Variants in CD6 observed in about 807,000 individuals in gnomAD.
The protein encoded by CD6 is CD6 molecule.
A neutral mutation model predicts 75.3 loss-of-function variants in CD6; 53 were observed. That is an observed-to-expected ratio of 0.70 (90% CI 0.56 to 0.88). The LOEUF (loss-of-function observed/expected upper bound fraction) is 0.88, where lower values mean the gene tolerates loss of function less well. Ranked by LOEUF, CD6 falls within the 40% of genes least tolerant of loss-of-function variation. CD6 has a pLI of 0.00. For missense variants in CD6, 770 were observed against 897.1 expected (o/e 0.86, Z 1.81); for synonymous variants, 359 against 381.5 (o/e 0.94, Z 0.69).
intron 1 of CD6, among the ~76,000 whole-genome samples, chr11:60,988,703 G>A (rs3019538): frequency 0.46 from 69,936 of 152,026 alleles, 18,602 homozygotes; most frequent in East Asian, 0.87. Context: ...TCTCAAGGGG[G>A]CCTTCTCTTA....
At position 61,019,457 on chromosome 11, in the gene CD6, G is replaced by A. The variant is rs1859575373; in HGVS notation, c.*139G>A. Reference sequence around the variant, plus strand: ...CTCCCTTGGAGAGATGGAAGGAAACGTTATACCTTGTACCCCTCGGTCTCC... The same window carrying A: ...CTCCCTTGGAGAGATGGAAGGAAACATTATACCTTGTACCCCTCGGTCTCC... On this transcript the variant is annotated 3_prime_UTR_variant, in exon 13 of 13. Coordinates refer to ENST00000313421, the MANE Select transcript of CD6 (RefSeq NM_006725.5). 1.3e-5 allele frequency: 8 copies of A among 620,638 alleles called. No homozygotes were observed. The highest frequency in any genetic ancestry group is 3.7e-5 in the African/African-American group (2 of 54,306). The allele number at this position is 620,638 out of a possible 1,614,324, so 38.4% of individuals were successfully genotyped here. A position where few individuals can be genotyped will look rare whatever the true frequency, so the allele number is the denominator to read the frequency against.
chr11:61,011,259 C>T (rs937650810), intron 6 of CD6, 124 bp downstream of exon 6: 4 of 773,324 alleles, frequency 5.2e-6, no homozygotes, highest in African/African-American at 1.7e-5. Flanking sequence ...TCCTCCACCT[C>T]CAGCCAATGG....
At chr11:61,016,435 C>T (rs1859409454) in intron 9 of CD6, among the ~76,000 whole-genome samples, 2 of 152,320 alleles carry the variant, frequency 1.3e-5, no homozygotes, top group South Asian at 4.1e-4. Context: ...TTCCTGAGCC[C>T]CTCCCCACAC....
chr11:60,989,036 T>A (rs1476876130), intron 1 of CD6, among the ~76,000 whole-genome samples: 2 of 152,222 alleles, frequency 1.3e-5, no homozygotes, highest in Non-Finnish European at 2.9e-5. Flanking sequence ...GCCCACCAGC[T>A]TCTGTCCCAC....
chr11:60,998,122 G>A (rs1317358610), intron 1 of CD6, among the ~76,000 whole-genome samples: 1 of 152,190 alleles, frequency 6.6e-6, no homozygotes, highest in African/African-American at 2.4e-5. Flanking sequence ...GTGATTTCTA[G>A]AGCCAGACTG....
Position 61,017,882 on chromosome 11 carries a change from G to A in CD6, c.1706G>A (p.Gly569Glu), listed in dbSNP as rs767057305. The change falls in exon 11 of 13, where the codon GGG becomes GAG. Residue 569 changes from glycine to glutamate, a missense_variant. Physicochemically the swap from Gly to Glu is moderately conservative, Grantham distance 98. Transcript: ENST00000313421. ...AACAGTGAGTCGAGCACCTCTTCAGGGGAGGATTACTGCAATAGTCCCAAA... is the reference window on the plus strand; with the variant it reads ...AACAGTGAGTCGAGCACCTCTTCAGAGGAGGATTACTGCAATAGTCCCAAA... Reference protein sequence around the residue: ...RSNSESSTSSGEDYCNSPKSK... With the variant: ...RSNSESSTSSEEDYCNSPKSK... 8 of 1,614,092 alleles carry A rather than the reference G, an allele frequency of 5.0e-6. No individual in the cohort carries two copies. In the South Asian group the frequency reaches 6.6e-5, roughly 13 times the overall value.
intron 1 of CD6, among the ~76,000 whole-genome samples, chr11:60,990,253 C>T (rs929027146): frequency 1.3e-5 from 2 of 152,166 alleles, no homozygotes; most frequent in Admixed American, 1.3e-4. Flanking sequence ...GAGATGGTGT[C>T]TCGCACTGTC....
intron 1 of CD6, among the ~76,000 whole-genome samples, chr11:60,974,020 A>G (rs1857281031): frequency 6.6e-6 from 1 of 152,246 alleles, no homozygotes; most frequent in African/African-American, 2.4e-5. Flanking sequence ...CTGACCTCAG[A>G]GGGCAAGGTT....
intron 5 of CD6, 23 bp downstream of exon 5, chr11:61,009,897 C>T (rs759024217): frequency 1.6e-5 from 24 of 1,521,126 alleles, no homozygotes; most frequent in Non-Finnish European, 2.0e-5. Flanking sequence ...ACTCCACCCC[C>T]CCAGATTTGA....
At chr11:61,017,136 G>T in intron 9 of CD6, 1 of 276,878 alleles carries the variant, frequency 3.6e-6, no homozygotes, top group Non-Finnish European at 7.0e-6. Flanking sequence ...GCTTCTTGAA[G>T]GAGCAAACAT....
chr11:60,987,200 G>T (rs1265326073), intron 1 of CD6, among the ~76,000 whole-genome samples: 3 of 152,242 alleles, frequency 2.0e-5, no homozygotes, highest in Admixed American at 6.5e-5. Flanking sequence ...AGTGGGACTG[G>T]TTCCTTCTGA....
Position 60,972,554 on chromosome 11 carries a change from A to C in CD6, c.49+640A>C, listed in dbSNP as rs746508783. Among the ~76,000 whole-genome samples, 3 of 152,196 alleles carry C rather than the reference A, an allele frequency of 2.0e-5. No individual in the cohort carries two copies. In the East Asian group the frequency reaches 5.8e-4, roughly 29 times the overall value. ...AGATGGCCAGAAGGTTTGGGGCACT[A>C]GACTGTGCTCCCCAGATACTTGCTG... On this transcript the variant is annotated intron_variant, in intron 1 of 12. Coordinates refer to ENST00000313421, the MANE Select transcript of CD6 (RefSeq NM_006725.5).
In CD6 at chr11:60,983,616, C is replaced by T. The variant is rs542804338; in HGVS notation, c.49+11702C>T. 8.1e-4 allele frequency among the ~76,000 whole-genome samples: 123 copies of T among 151,810 alleles called. 1 individual carries two copies. In the South Asian group the frequency reaches 0.024, roughly 29 times the overall value. On this transcript the variant is annotated intron_variant, in intron 1 of 12. Transcript: ENST00000313421. ...TGTCCCTTTCTCCTAAATACCCCAA[C>T]GTGTGTTTTTGTTGTTGTTTTTTTT...
intron 1 of CD6, among the ~76,000 whole-genome samples, chr11:60,988,963 G>T (rs999540516): frequency 6.6e-6 from 1 of 152,194 alleles, no homozygotes; most frequent in Non-Finnish European, 1.5e-5. Flanking sequence ...CCCAGCCTTT[G>T]CACAGAGGGT....
chr11:61,004,950 G>C (rs1858779427), intron 1 of CD6, among the ~76,000 whole-genome samples: 2 of 152,188 alleles, frequency 1.3e-5, no homozygotes, highest in South Asian at 4.1e-4. Context: ...CCCAACCTAA[G>C]TGCAAGAGAA....
intron 6 of CD6, among the ~76,000 whole-genome samples, 160 bp downstream of exon 6, chr11:61,011,295 T>C (rs552754660): frequency 4.1e-4 from 62 of 152,006 alleles, no homozygotes; most frequent in African/African-American, 1.3e-3. Context: ...GCTCTCTGGG[T>C]GGCATTTCTG....
chr11:60,984,037 T>C (rs780115892), intron 1 of CD6, among the ~76,000 whole-genome samples: 1 of 152,114 alleles, frequency 6.6e-6, no homozygotes, highest in Non-Finnish European at 1.5e-5. Flanking sequence ...GCACATGGGC[T>C]CTCCATGTCC....
chr11:60,989,685 G>C (rs1257423825), intron 1 of CD6, among the ~76,000 whole-genome samples: 1 of 152,190 alleles, frequency 6.6e-6, no homozygotes, highest in African/African-American at 2.4e-5. Context: ...ACTAGAATTT[G>C]TTGAGCATTC....
Position 61,013,916 on chromosome 11 carries a change from C to T in CD6, c.1292-3C>T, listed in dbSNP as rs1284216801. ...TGTAGAATTTCTGCCTCCCCTCCCT[C>T]AGCCCTCCCCGTAATGGTGAACCAC... On this transcript the variant is annotated splice_polypyrimidine_tract_variant and splice_region_variant and intron_variant, in intron 7 of 12. Transcript: ENST00000313421. 6.2e-7 allele frequency: 1 copy of T among 1,600,110 alleles called. No homozygotes were observed. The highest frequency in any genetic ancestry group is 2.2e-5 in the East Asian group (1 of 44,542).
Sources: gnomAD v4.1 joint callset for allele counts (sites outside exome capture counted in the v4.1 genomes callset) on GRCh38, gnomAD v4.1.1 for gene constraint, MANE v1.5 for transcripts, NCBI Gene and HGNC (gene_info 2026-07-23, HGNC 2026-07-21) for gene names.